TMEM135: variants seen among roughly 807,000 people sequenced by gnomAD.
TMEM135 encodes transmembrane protein 135, also known as peroxisomal membrane protein 52.
TMEM135 carries 30 observed loss-of-function variants against 60.3 expected under a neutral mutation model. The observed-to-expected ratio is 0.50, with a 90% CI of 0.37 to 0.68. The LOEUF is 0.68. TMEM135 is among the 30% of genes least tolerant of loss of function. TMEM135 has a pLI of 0.00. For synonymous variants in TMEM135, 190 were observed against 186.7 expected (o/e 1.02, Z -0.14); for missense variants, 468 against 548.8 (o/e 0.85, Z 1.47).
At chr11:87,176,019 CA>C (rs1474289022) in intron 5 of TMEM135, among the ~76,000 whole-genome samples, 1 of 152,000 alleles carries the variant, frequency 6.6e-6, no homozygotes, top group Non-Finnish European at 1.5e-5. Context: ...ATTTTGTTTG[CA>C]CATCATTTTT....
At chr11:87,151,952 A>C (rs1352761363) in intron 4 of TMEM135, among the ~76,000 whole-genome samples, 1 of 152,148 alleles carries the variant, frequency 6.6e-6, no homozygotes, top group Non-Finnish European at 1.5e-5. Context: ...ATCTTCTCTT[A>C]GTATGAGAGG....
intron 5 of TMEM135, among the ~76,000 whole-genome samples, chr11:87,221,876 A>C (rs1940624728): frequency 6.6e-6 from 1 of 152,184 alleles, no homozygotes; most frequent in Non-Finnish European, 1.5e-5. Flanking sequence ...CTGAATTTTT[A>C]AAAATATTAA....
intron 6 of TMEM135, among the ~76,000 whole-genome samples, chr11:87,252,549 G>T (rs555144910): frequency 6.6e-6 from 1 of 152,162 alleles, no homozygotes; most frequent in South Asian, 2.1e-4. Context: ...GAGGCAGGTA[G>T]ATCACCTGAG....
In TMEM135 at chr11:87,057,601, G is replaced by T. The variant is rs952380627; in HGVS notation, c.142-10093G>T. Among the ~76,000 whole-genome samples the T allele has an allele frequency of 7.2e-5, 11 of 152,182 alleles. 1 individual carries two copies. Among genetic ancestry groups the T allele is most frequent in the African/African-American group, 2.7e-4 (11 of 41,428 alleles). ...GTGGCTTGCTGTGGGAATCATATGA[G>T]ATAGTGCACATATAAAAGCTTTAAA... On this transcript the variant is annotated intron_variant, in intron 1 of 14. Transcript: ENST00000305494.
At chr11:87,117,004 G>A (rs1042581745) in intron 4 of TMEM135, among the ~76,000 whole-genome samples, 1 of 152,036 alleles carries the variant, frequency 6.6e-6, no homozygotes, top group African/African-American at 2.4e-5. Flanking sequence ...TGTATTTATG[G>A]TAGAGATGGG....
rs952726988 is a variant in TMEM135, at chr11:87,071,679, T to C, written c.362+64T>C. On this transcript the variant is annotated intron_variant, in intron 3 of 14. Transcript: ENST00000305494. ...TGTCCCCTACCCCAACTATAATTTT[T>C]TTTTTTTTAATTATCACTTACAGGG... 1.8e-4 allele frequency: 234 copies of C among 1,306,030 alleles called. 1 individual carries two copies. The highest frequency in any genetic ancestry group is 2.4e-4 in the Non-Finnish European group (229 of 936,548). 80.9% of individuals were successfully genotyped at this position (1,306,030 alleles called of 1,614,324 possible).
rs191313368 is a variant in TMEM135 at position 87,262,824 on chromosome 11, A to C, written c.509+26140A>C. ...CAGTAGCATGAGATTTGTTTCTATTAACATTGTCTACAAAATATTGGATAC... is the reference window on the plus strand; with the variant it reads ...CAGTAGCATGAGATTTGTTTCTATTCACATTGTCTACAAAATATTGGATAC... On this transcript the variant is annotated intron_variant, in intron 6 of 14. Coordinates refer to ENST00000305494, the MANE Select transcript of TMEM135 (RefSeq NM_022918.4). 1.4e-4 allele frequency among the ~76,000 whole-genome samples: 19 copies of C among 136,926 alleles called. No individual in the cohort carries two copies. In the Admixed American group the frequency reaches 1.4e-3, roughly 10 times the overall value. 89.8% of individuals were successfully genotyped at this position (136,926 alleles called of 152,430 possible). A position where few individuals can be genotyped will look rare whatever the true frequency, so the allele number is the denominator to read the frequency against.
chr11:87,171,006 C>T (rs1939222239), intron 5 of TMEM135, among the ~76,000 whole-genome samples: 2 of 152,048 alleles, frequency 1.3e-5, no homozygotes, highest in Non-Finnish European at 2.9e-5. Flanking sequence ...AAAGGGGGTA[C>T]ATCTTCAAAC....
chr11:87,212,442 G>A (rs1940392355), intron 5 of TMEM135, among the ~76,000 whole-genome samples: 1 of 152,110 alleles, frequency 6.6e-6, no homozygotes, highest in South Asian at 2.1e-4. Flanking sequence ...ATTACAGAAG[G>A]TATTGGTCAT....
chr11:87,316,281 TGTGTGA>T (rs1942727067), intron 12 of TMEM135, among the ~76,000 whole-genome samples: 3 of 150,970 alleles, frequency 2.0e-5, no homozygotes, highest in Non-Finnish European at 4.4e-5. Context: ...TGTGTGTGTG[TGTGTGA>T]GAGAGAGAGA....
At chr11:87,266,395 T>C (rs17821231) in intron 6 of TMEM135, among the ~76,000 whole-genome samples, 53,727 of 151,968 alleles carry the variant, frequency 0.35, 10,057 homozygotes, top group Non-Finnish European at 0.42. Flanking sequence ...GAGTCGTATT[T>C]GTCTTCAAAA....
At chr11:87,270,905 A>G (rs550890991) in intron 6 of TMEM135, among the ~76,000 whole-genome samples, 3 of 152,286 alleles carry the variant, frequency 2.0e-5, no homozygotes, top group African/African-American at 7.2e-5. Flanking sequence ...TTTTCTAGTC[A>G]GACATGAGCT....
At chr11:87,166,767 A>G (rs1429374631) in intron 5 of TMEM135, among the ~76,000 whole-genome samples, 2 of 151,658 alleles carry the variant, frequency 1.3e-5, no homozygotes, top group Admixed American at 6.6e-5. Context: ...CTTTTTGCTT[A>G]GGATTGTCTT....
At chr11:87,303,660 T>G (rs1942485657) in intron 8 of TMEM135, among the ~76,000 whole-genome samples, 1 of 152,244 alleles carries the variant, frequency 6.6e-6, no homozygotes, top group Non-Finnish European at 1.5e-5. Context: ...CTCAAATTTT[T>G]ATTGAATTTA....
chr11:87,071,141 A>G (rs1001101577), intron 2 of TMEM135, among the ~76,000 whole-genome samples: 1 of 152,206 alleles, frequency 6.6e-6, no homozygotes, highest in Non-Finnish European at 1.5e-5. Context: ...TTGTTACTGT[A>G]GCCGCCTTAA....
chr11:87,235,136 A>G (rs571673084), intron 5 of TMEM135, among the ~76,000 whole-genome samples: 1 of 152,140 alleles, frequency 6.6e-6, no homozygotes, highest in South Asian at 2.1e-4. Flanking sequence ...AAACCCACTT[A>G]GACTTCAATT....
chr11:87,184,604 T>A (rs899548967), intron 5 of TMEM135, among the ~76,000 whole-genome samples: 2 of 152,200 alleles, frequency 1.3e-5, no homozygotes, highest in African/African-American at 4.8e-5. Flanking sequence ...ACTTTATGTG[T>A]ATTTCATAGT....
At chr11:87,091,121 C>T (rs1591011468) in intron 3 of TMEM135, among the ~76,000 whole-genome samples, 1 of 151,954 alleles carries the variant, frequency 6.6e-6, no homozygotes, top group Non-Finnish European at 1.5e-5. Context: ...TAAATATTTA[C>T]TTAATGACTT....
chr11:87,225,794 T>C (rs767189746), intron 5 of TMEM135, among the ~76,000 whole-genome samples: 2 of 152,150 alleles, frequency 1.3e-5, no homozygotes, highest in Admixed American at 6.6e-5. Flanking sequence ...TTGCTTCAGC[T>C]ACTTAAATAT....
Sources: gnomAD v4.1 joint callset for allele counts (sites outside exome capture counted in the v4.1 genomes callset) on GRCh38, gnomAD v4.1.1 for gene constraint, MANE v1.5 for transcripts, NCBI Gene and HGNC (gene_info 2026-07-23, HGNC 2026-07-21) for gene names.